Variants in SPAG16 observed in about 807,000 individuals in gnomAD.
The protein encoded by SPAG16 is sperm-associated antigen 16 protein.
Under a neutral mutation model 80.4 loss-of-function variants are expected in SPAG16, and 86 were observed. The observed-to-expected ratio is 1.07, with a 90% CI of 0.90 to 1.28. The LOEUF (loss-of-function observed/expected upper bound fraction) is 1.28. Ranked by LOEUF, SPAG16 falls within the 50% of genes most tolerant of loss-of-function variation. The pLI, the probability that SPAG16 is intolerant of heterozygous loss-of-function variation, is 0.00. For missense variants in SPAG16, 870 were observed against 765.3 expected, an observed-to-expected ratio of 1.14 and a Z score of -1.61; for synonymous variants, 294 against 265.9, an observed-to-expected ratio of 1.11 and a Z score of -1.03.
chr2:214,336,377 T>C (rs556542901), intron 15 of SPAG16, among the ~76,000 whole-genome samples: 243 of 152,308 alleles, frequency 1.6e-3, no homozygotes, highest in African/African-American at 5.7e-3. Context: ...CTGGACACTC[T>C]GGAGTTAAAA....
intron 10 of SPAG16, among the ~76,000 whole-genome samples, chr2:213,818,057 C>G (rs2072675578): frequency 6.6e-6 from 1 of 152,114 alleles, no homozygotes; most frequent in Admixed American, 6.5e-5. Context: ...CTTCCCCATC[C>G]CCAAGCATAA....
chr2:214,016,503 A>G (rs975701128), intron 13 of SPAG16, among the ~76,000 whole-genome samples: 2 of 152,210 alleles, frequency 1.3e-5, no homozygotes, highest in Middle Eastern at 3.2e-3. Flanking sequence ...AAGCCAAGCC[A>G]TATCACAAAG....
At chr2:214,103,129 C>T (rs1165389007) in intron 13 of SPAG16, among the ~76,000 whole-genome samples, 1 of 152,142 alleles carries the variant, frequency 6.6e-6, no homozygotes, top group Non-Finnish European at 1.5e-5. Flanking sequence ...CATACTTCAC[C>T]GTTTTGTCTC....
chr2:213,618,317 C>T (rs2061664149), intron 10 of SPAG16, among the ~76,000 whole-genome samples: 1 of 152,200 alleles, frequency 6.6e-6, no homozygotes, highest in African/African-American at 2.4e-5. Flanking sequence ...GCCTTCTACT[C>T]TATCCTCACT....
chr2:213,312,229 T>C (rs2063217402), intron 4 of SPAG16, among the ~76,000 whole-genome samples: 1 of 151,668 alleles, frequency 6.6e-6, no homozygotes, highest in African/African-American at 2.4e-5. Context: ...TGCCAGAACA[T>C]AGTAGGAATT....
chr2:213,890,030 AAAGT>A, intron 11 of SPAG16, among the ~76,000 whole-genome samples: 1 of 152,194 alleles, frequency 6.6e-6, no homozygotes, highest in South Asian at 2.1e-4. Context: ...TTGAGATCAT[AAAGT>A]AATTTCCCTT....
chr2:213,664,049 C>T (rs1348458324), intron 10 of SPAG16, among the ~76,000 whole-genome samples: 1 of 152,056 alleles, frequency 6.6e-6, no homozygotes, highest in African/African-American at 2.4e-5. Context: ...CTTCTGGAGA[C>T]TCTACAGGAG....
rs561848245 is a variant in SPAG16 at position 213,863,608 on chromosome 2, C to T, written c.1214+980C>T. Among the ~76,000 whole-genome samples the T allele has an allele frequency of 2.6e-5, 4 of 151,916 alleles. No individual in the cohort carries two copies. In the South Asian group the frequency reaches 8.3e-4, roughly 32 times the overall value. On this transcript the variant is annotated intron_variant, in intron 11 of 15. Coordinates refer to ENST00000331683, the MANE Select transcript of SPAG16 (RefSeq NM_024532.5). ...ATGAACATGCAGTGTATTCCGTATCCAGTATATAAATTAAACAGAGCCTTG... is the reference window on the plus strand; with the variant it reads ...ATGAACATGCAGTGTATTCCGTATCTAGTATATAAATTAAACAGAGCCTTG...
intron 7 of SPAG16, among the ~76,000 whole-genome samples, chr2:213,353,197 A>G (rs1267063751): frequency 1.3e-5 from 2 of 152,030 alleles, no homozygotes; most frequent in Non-Finnish European, 2.9e-5. Context: ...TTGTATGTGA[A>G]CCCAACACAC....
intron 12 of SPAG16, among the ~76,000 whole-genome samples, chr2:214,001,941 C>A (rs992048282): frequency 6.6e-6 from 1 of 152,174 alleles, no homozygotes; most frequent in African/African-American, 2.4e-5. Context: ...TTAATGGACT[C>A]ACAGTTCCAT....
rs549890445 is a variant in SPAG16, at chr2:213,369,998, A to G, written c.833-5012A>G. Among the ~76,000 whole-genome samples, 10 of 152,344 alleles carry G rather than the reference A, an allele frequency of 6.6e-5. No homozygotes were observed. The South Asian group carries it at 2.1e-3, about 32-fold the overall frequency. On this transcript the variant is annotated intron_variant, in intron 8 of 15. Transcript: ENST00000331683. Reference sequence around the variant, plus strand: ...ATTTATGACGTGTATCCAACATTATAGTGTCATACAGAGTAGTATCACTGC... The same window carrying G: ...ATTTATGACGTGTATCCAACATTATGGTGTCATACAGAGTAGTATCACTGC...
intron 10 of SPAG16, among the ~76,000 whole-genome samples, chr2:213,527,612 A>G (rs1047604961): frequency 1.3e-5 from 2 of 152,198 alleles, no homozygotes; most frequent in Non-Finnish European, 2.9e-5. Flanking sequence ...CTGATCAAAT[A>G]TGGCAGAGTG....
chr2:213,428,245 A>G (rs2070068649), intron 9 of SPAG16, among the ~76,000 whole-genome samples: 1 of 152,096 alleles, frequency 6.6e-6, no homozygotes, highest in Non-Finnish European at 1.5e-5. Context: ...GGAGAGGGAG[A>G]AAAAGTACTC....
chr2:214,166,717 A>G (rs1005065112), intron 15 of SPAG16, among the ~76,000 whole-genome samples: 2 of 152,188 alleles, frequency 1.3e-5, no homozygotes, highest in Admixed American at 6.5e-5. Flanking sequence ...ACAGTTGCTC[A>G]TAAAAGGCCT....
intron 10 of SPAG16, among the ~76,000 whole-genome samples, chr2:213,749,807 ACTGAGTTTTCT>A (rs901938706): frequency 2.0e-5 from 3 of 152,122 alleles, no homozygotes; most frequent in African/African-American, 7.2e-5. Flanking sequence ...TATTTTAAAG[ACTGAGTTTTCT>A]CTTGACCAAT....
chr2:214,234,677 A>C (rs898420179), intron 15 of SPAG16, among the ~76,000 whole-genome samples: 5 of 152,194 alleles, frequency 3.3e-5, no homozygotes, highest in Admixed American at 3.3e-4. Flanking sequence ...TGTTGGATGC[A>C]TGTATGCCTT....
chr2:213,584,866 G>A (rs1244768355), intron 10 of SPAG16, among the ~76,000 whole-genome samples: 1 of 152,124 alleles, frequency 6.6e-6, no homozygotes, highest in Non-Finnish European at 1.5e-5. Flanking sequence ...AGGAAGCATG[G>A]CTAAAATGTA....
At chr2:213,666,422 G>A (rs1338692450) in intron 10 of SPAG16, among the ~76,000 whole-genome samples, 1 of 152,122 alleles carries the variant, frequency 6.6e-6, no homozygotes, top group Admixed American at 6.6e-5. Context: ...CGAAAGAAAA[G>A]ATTCAGTGAT....
intron 13 of SPAG16, among the ~76,000 whole-genome samples, chr2:214,037,457 A>G (rs1320200578): frequency 1.3e-5 from 2 of 152,096 alleles, no homozygotes; most frequent in Non-Finnish European, 1.5e-5. Flanking sequence ...ATTACATTTT[A>G]AGAATGCCCA....
Sources: gnomAD v4.1 joint callset for allele counts (sites outside exome capture counted in the v4.1 genomes callset) on GRCh38, gnomAD v4.1.1 for gene constraint, MANE v1.5 for transcripts, NCBI Gene and HGNC (gene_info 2026-07-23, HGNC 2026-07-21) for gene names.